FREM2: variants seen among roughly 807,000 people sequenced by gnomAD.
FREM2 encodes FRAS1 related extracellular matrix 2.
FREM2 carries 119 observed loss-of-function variants against 219.9 expected under a neutral mutation model. The observed-to-expected ratio is 0.54, with a 90% CI of 0.47 to 0.63. The LOEUF (loss-of-function observed/expected upper bound fraction) is 0.63. Ranked by LOEUF, FREM2 falls within the 30% of genes least tolerant of loss-of-function variation. The pLI, the probability that FREM2 is intolerant of heterozygous loss-of-function variation, is 0.00. For missense variants in FREM2, 4,030 were observed against 3,993.6 expected (o/e 1.01, Z -0.25); for synonymous variants, 1,562 against 1,522.8 (o/e 1.03, Z -0.60).
intron 6 of FREM2, among the ~76,000 whole-genome samples, chr13:38,814,740 G>A (rs1477935293): frequency 2.6e-5 from 4 of 152,148 alleles, no homozygotes; most frequent in African/African-American, 7.2e-5. Flanking sequence ...CTTACCTGAT[G>A]TTCTATTCTA....
chr13:38,711,609 T>G (rs1433791599), intron 2 of FREM2, among the ~76,000 whole-genome samples: 1 of 152,222 alleles, frequency 6.6e-6, no homozygotes, highest in Non-Finnish European at 1.5e-5. Flanking sequence ...AGGAATGGAT[T>G]GTTTTTTAAA....
intron 6 of FREM2, among the ~76,000 whole-genome samples, chr13:38,813,928 A>G (rs1482655757): frequency 1.3e-5 from 2 of 151,776 alleles, no homozygotes; most frequent in African/African-American, 4.8e-5. Context: ...CAAGTTGCCT[A>G]TCTTTAAGCT....
At chr13:38,839,966 G>A (rs550553463) in intron 6 of FREM2, among the ~76,000 whole-genome samples, 45 of 152,160 alleles carry the variant, frequency 3.0e-4, no homozygotes, top group African/African-American at 1.0e-3. Context: ...GGAGTGAATG[G>A]TTCTGTCTTG....
At chr13:38,714,165 A>G (rs1359200049) in intron 2 of FREM2, among the ~76,000 whole-genome samples, 5 of 152,374 alleles carry the variant, frequency 3.3e-5, no homozygotes, top group South Asian at 2.1e-4. Flanking sequence ...GCACCGTGCC[A>G]TGCACATAGT....
chr13:38,687,476 C>T lies in FREM2; in HGVS notation c.132C>T (p.Val44=). The T allele has an allele frequency of 1.9e-6, 3 of 1,591,016 alleles. No homozygotes were observed. The highest frequency in any genetic ancestry group is 1.7e-6 in the Non-Finnish European group (2 of 1,169,434). ...TTCTCCTGTCACTGGTAAGCCGCGT[C>T]CCGGCACAGCCCGCTGCCTTCGGCA... The part of the protein sequence containing the change: ...LLLLLSLVSR[V]PAQPAAFGRA... Residue 44 remains valine (V), a synonymous_variant, in exon 1 of 24, where the codon GTC becomes GTT. Transcript: ENST00000280481.
chr13:38,761,097 G>A (rs1050080267), intron 2 of FREM2, among the ~76,000 whole-genome samples: 4 of 152,146 alleles, frequency 2.6e-5, no homozygotes, highest in Non-Finnish European at 5.9e-5. Flanking sequence ...GAGGAATAGG[G>A]ATTCCCAGGA....
rs9566369 is a variant in FREM2 at position 38,864,246 on chromosome 13, C to A, written c.7652-29C>A. The A allele has an allele frequency of 0.24, 381,510 of 1,560,234 alleles. 52,203 individuals carry two copies. Among genetic ancestry groups the A allele is most frequent in the African/African-American group, 0.53 (39,335 of 73,856 alleles). On this transcript the variant is annotated intron_variant, in intron 15 of 23. Transcript: ENST00000280481. ...TCAAAATTCTTGGCTACTTGAAAGA[C>A]TGTTAACAATGATTTCGATTTATCA...
At position 38,764,597 on chromosome 13, in the gene FREM2, A is replaced by T. The variant is rs79819713; in HGVS notation, c.5410+147A>T. On this transcript the variant is annotated intron_variant, in intron 3 of 23. Coordinates refer to ENST00000280481, the MANE Select transcript of FREM2 (RefSeq NM_207361.6). ...TCTAACTGCTAAAGAAACAAGCAAC[A>T]GGTTTGTGTCAAGGTACTTATCTCT... 1,116 of 594,418 alleles carry T rather than the reference A, an allele frequency of 1.9e-3. 12 individuals carry two copies. The African/African-American group carries it at 0.019, about 10-fold the overall frequency. 36.8% of individuals were successfully genotyped at this position (594,418 alleles called of 1,614,324 possible). A position where few individuals can be genotyped will look rare whatever the true frequency, so the allele number is the denominator to read the frequency against.
chr13:38,877,221 G>A lies in FREM2; in HGVS notation c.8649G>A (p.Glu2883=), dbSNP rs2137939045. The A allele has an allele frequency of 6.2e-7, 1 of 1,614,042 alleles. No individual in the cohort carries two copies. The highest frequency in any genetic ancestry group is 8.5e-7 in the Non-Finnish European group (1 of 1,179,912). ...ATGGATCCATGGGATTCGGGCAAGAGAGTGATGTTGCTTTTGCAGAAGGTA... is the reference window on the plus strand; with the variant it reads ...ATGGATCCATGGGATTCGGGCAAGAAAGTGATGTTGCTTTTGCAGAAGGTA... ...LSDGSMGFGQ[E]SDVAFAEGDI... The change falls in exon 21 of 24, where the codon GAG becomes GAA. Residue 2883 remains glutamate, a synonymous_variant. Transcript: ENST00000280481.
chr13:38,689,347 A>AC lies in FREM2; in HGVS notation c.2005dup (p.Gln669ProfsTer5). 1 of 1,614,018 alleles carries AC rather than the reference A, an allele frequency of 6.2e-7. No individual in the cohort carries two copies. Among genetic ancestry groups the AC allele is most frequent in the Non-Finnish European group, 8.5e-7 (1 of 1,179,990 alleles). On this transcript the variant is annotated frameshift_variant, in exon 1 of 24. Coordinates refer to ENST00000280481, the MANE Select transcript of FREM2 (RefSeq NM_207361.6). LOFTEE classifies it high-confidence loss of function. Reference sequence around the variant, plus strand: ...CCCCATAGTCCTGGGCCAGTCACAGACCAGTTCACATTTAGAGTCCAGGAT... The same window carrying AC: ...CCCCATAGTCCTGGGCCAGTCACAGACCCAGTTCACATTTAGAGTCCAGGAT...
At chr13:38,731,137 C>T (rs1479575657) in intron 2 of FREM2, among the ~76,000 whole-genome samples, 3 of 152,018 alleles carry the variant, frequency 2.0e-5, no homozygotes, top group African/African-American at 4.8e-5. Context: ...CTCCCATAGC[C>T]GTGGCAAGAA....
At chr13:38,855,590 G>A (rs1332185328) in intron 11 of FREM2, among the ~76,000 whole-genome samples, 3 of 152,158 alleles carry the variant, frequency 2.0e-5, no homozygotes, top group Admixed American at 6.5e-5. Flanking sequence ...CAACCTGGAT[G>A]GAACTGGAGA....
At position 38,846,723 on chromosome 13, in the gene FREM2, G is replaced by A; in HGVS notation, c.6169+1G>A. ...AAAACAGATCCTCCCTCTGCAGATG[G>A]TGAGCAGTTTCCCACTCGGCTCTTT... On this transcript the variant is annotated splice_donor_variant, in intron 7 of 23. Coordinates refer to ENST00000280481, the MANE Select transcript of FREM2 (RefSeq NM_207361.6). LOFTEE classifies it high-confidence loss of function. 6.2e-7 allele frequency: 1 copy of A among 1,613,626 alleles called. No individual in the cohort carries two copies. The highest frequency in any genetic ancestry group is 8.5e-7 in the Non-Finnish European group (1 of 1,179,672).
At chr13:38,835,482 G>C (rs1876673412) in intron 6 of FREM2, among the ~76,000 whole-genome samples, 2 of 152,206 alleles carry the variant, frequency 1.3e-5, no homozygotes, top group Non-Finnish European at 1.5e-5. Flanking sequence ...ATTCTGTGAA[G>C]AAAGTCAATG....
chr13:38,845,018 G>A (rs9548498), intron 6 of FREM2, among the ~76,000 whole-genome samples: 18,768 of 152,126 alleles, frequency 0.12, 1,390 homozygotes, highest in Admixed American at 0.21. Flanking sequence ...CCCTAGCACT[G>A]TCCAAGTCAA....
chr13:38,819,697 A>G (rs1267392442), intron 6 of FREM2, among the ~76,000 whole-genome samples: 2 of 152,150 alleles, frequency 1.3e-5, no homozygotes, highest in East Asian at 3.9e-4. Context: ...AGATGTGCTA[A>G]ATCTTTTACC....
At chr13:38,791,921 TCTA>T (rs764681505) in intron 6 of FREM2, among the ~76,000 whole-genome samples, 18 of 152,234 alleles carry the variant, frequency 1.2e-4, no homozygotes, top group Non-Finnish European at 2.4e-4. Flanking sequence ...CATGTCTTCA[TCTA>T]CTTTTATCAT....
intron 2 of FREM2, among the ~76,000 whole-genome samples, chr13:38,737,588 G>T (rs1215351332): frequency 6.6e-6 from 1 of 152,168 alleles, no homozygotes; most frequent in Non-Finnish European, 1.5e-5. Context: ...AAGAAAATAG[G>T]ATACAGCAGT....
rs116030904 is a variant in FREM2, at chr13:38,864,423, C to T, written c.7800C>T (p.Thr2600=). ...KTHYGFLTDA[T]KNPEIIGETY... is the part of the protein sequence containing the mutation. The stretch of plus-strand genomic sequence containing the variant: ...ATTATGGTTTCTTGACTGATGCTAC[C>T]AAAAATCCAGAAATAATTGGAGAGA... Residue 2600 remains threonine (T), a synonymous_variant, in exon 16 of 24, where the codon ACC becomes ACT. Coordinates refer to ENST00000280481, the MANE Select transcript of FREM2 (RefSeq NM_207361.6). 298 of 1,614,128 alleles carry T rather than the reference C, an allele frequency of 1.8e-4. 3 individuals carry two copies. The East Asian group carries it at 6.5e-3, about 35-fold the overall frequency.
Sources: gnomAD v4.1 joint callset for allele counts (sites outside exome capture counted in the v4.1 genomes callset) on GRCh38, gnomAD v4.1.1 for gene constraint, MANE v1.5 for transcripts, NCBI Gene and HGNC (gene_info 2026-07-23, HGNC 2026-07-21) for gene names.